The following ZMYM4 variants were observed in gnomAD, a reference collection of about 807,000 sequenced individuals.
The protein encoded by ZMYM4 is zinc finger MYM-type containing 4, also known as zinc finger MYM-type protein 4.
A neutral mutation model predicts 183.2 loss-of-function variants in ZMYM4; 31 were observed. The observed-to-expected ratio is 0.17, with a 90% CI of 0.13 to 0.23. The LOEUF is 0.23. Ranked by LOEUF, ZMYM4 falls within the 10% of genes least tolerant of loss-of-function variation. The pLI, the probability that ZMYM4 is intolerant of heterozygous loss-of-function variation, is 1.00. For missense variants in ZMYM4, 1,273 were observed against 1,840.3 expected (o/e 0.69, Z 5.64); for synonymous variants, 592 against 631.2 (o/e 0.94, Z 0.93).
chr1:35,376,811 C>T (rs530280018), intron 7 of ZMYM4, among the ~76,000 whole-genome samples: 1 of 152,080 alleles, frequency 6.6e-6, no homozygotes, highest in African/African-American at 2.4e-5. Context: ...CAGGCGTGAG[C>T]CATCACACCC....
At chr1:35,364,472 T>A (rs983902868) in intron 5 of ZMYM4, among the ~76,000 whole-genome samples, 1 of 152,218 alleles carries the variant, frequency 6.6e-6, no homozygotes, top group Non-Finnish European at 1.5e-5. Context: ...TTTCTTGTCT[T>A]TTCCACACCC....
chr1:35,312,816 G>A lies in ZMYM4; in HGVS notation c.40-12544G>A, dbSNP rs749780090. Among the ~76,000 whole-genome samples the A allele has an allele frequency of 6.9e-4, 105 of 151,604 alleles. 2 individuals carry two copies. The highest frequency in any genetic ancestry group is 1.9e-4 in the Non-Finnish European group (13 of 67,914). On this transcript the variant is annotated intron_variant, in intron 1 of 29. Coordinates refer to ENST00000314607, the MANE Select transcript of ZMYM4 (RefSeq NM_005095.3). ...GCTGACTGCAACCTCCGCCTCCCAG[G>A]TTCAAGTGATTCTTGTGCCTCAGCT...
At chr1:35,275,177 T>A (rs1162976190) in intron 1 of ZMYM4, among the ~76,000 whole-genome samples, 1 of 151,964 alleles carries the variant, frequency 6.6e-6, no homozygotes, top group African/African-American at 2.4e-5. Flanking sequence ...ACTAAATATT[T>A]TGAAGCTGTG....
chr1:35,270,284 C>T (rs1173213883), intron 1 of ZMYM4, among the ~76,000 whole-genome samples: 1 of 152,148 alleles, frequency 6.6e-6, no homozygotes, highest in African/African-American at 2.4e-5. Flanking sequence ...GTGTGGGATG[C>T]CACAGAGGAG....
At position 35,361,675 on chromosome 1, in the gene ZMYM4, C is replaced by T. The variant is rs775038952; in HGVS notation, c.726C>T (p.Ser242=). 1 of 1,613,678 alleles carries T rather than the reference C, an allele frequency of 6.2e-7. No individual in the cohort carries two copies. The highest frequency in any genetic ancestry group is 1.7e-5 in the Admixed American group (1 of 59,962). Residue 242 remains serine (S), a synonymous_variant, in exon 5 of 30, where the codon TCC becomes TCT. Coordinates refer to ENST00000314607, the MANE Select transcript of ZMYM4 (RefSeq NM_005095.3). ...KESIGSELGN[S]FASNIRIKEE... is the part of the protein sequence containing the mutation. ...CCATTGGTTCGGAACTGGGGAATTC[C>T]TTTGCATCAAATATTAGAATTAAAG...
intron 1 of ZMYM4, among the ~76,000 whole-genome samples, chr1:35,278,169 C>T (rs1435313825): frequency 6.6e-6 from 1 of 152,058 alleles, no homozygotes; most frequent in Non-Finnish European, 1.5e-5. Flanking sequence ...CTTCTTTCTG[C>T]ATCTTCTTTT....
At chr1:35,292,364 T>C (rs1053229303) in intron 1 of ZMYM4, 18 of 152,322 alleles carry the variant, frequency 1.2e-4, no homozygotes, top group African/African-American at 4.3e-4. Flanking sequence ...GGTTACCATA[T>C]TGATGTCTAC....
Position 35,387,610 on chromosome 1 carries a change from G to A in ZMYM4, c.2263+6G>A, listed in dbSNP as rs749410147. ...CAAGTCATTCTGTAGTGAAGGTAAA[G>A]ACAGAAGATTATCTTACCTACTGAG... is the stretch of plus-strand genomic sequence containing the variant. On this transcript the variant is annotated splice_donor_region_variant and intron_variant, in intron 13 of 29. Coordinates refer to ENST00000314607, the MANE Select transcript of ZMYM4 (RefSeq NM_005095.3). 1.3e-6 allele frequency: 2 copies of A among 1,599,386 alleles called. No homozygotes were observed. The highest frequency in any genetic ancestry group is 3.4e-4 in the Middle Eastern group (2 of 5,958).
chr1:35,281,284 A>C (rs1382277272), intron 1 of ZMYM4, among the ~76,000 whole-genome samples: 1 of 137,092 alleles, frequency 7.3e-6, no homozygotes, highest in Non-Finnish European at 1.5e-5. Flanking sequence ...ACTCCATCTC[A>C]AAAAAAAAAA....
At chr1:35,287,758 A>C (rs568924212) in intron 1 of ZMYM4, among the ~76,000 whole-genome samples, 7 of 152,194 alleles carry the variant, frequency 4.6e-5, no homozygotes, top group African/African-American at 1.7e-4. Context: ...GGCATGCGCC[A>C]CCATGCCTGG....
intron 5 of ZMYM4, among the ~76,000 whole-genome samples, chr1:35,362,479 A>G (rs534527510): frequency 3.3e-4 from 51 of 152,350 alleles, no homozygotes; most frequent in Non-Finnish European, 6.9e-4. Context: ...CAGATGCTGC[A>G]ATCATTTTGA....
chr1:35,394,460 T>C (rs990754833), intron 18 of ZMYM4, among the ~76,000 whole-genome samples: 1 of 152,096 alleles, frequency 6.6e-6, no homozygotes, highest in South Asian at 2.1e-4. Context: ...CAGCTTTCAG[T>C]TGGAGCGGAT....
At chr1:35,384,730 A>G (rs1453104469) in intron 9 of ZMYM4, among the ~76,000 whole-genome samples, 1 of 152,162 alleles carries the variant, frequency 6.6e-6, no homozygotes, top group African/African-American at 2.4e-5. Flanking sequence ...ATATAGTATA[A>G]AAGCATGAAC....
At chr1:35,383,868 A>G (rs1644517633) in intron 9 of ZMYM4, among the ~76,000 whole-genome samples, 1 of 152,210 alleles carries the variant, frequency 6.6e-6, no homozygotes, top group Non-Finnish European at 1.5e-5. Context: ...CCTTGGGGAA[A>G]GCAGTTAAGC....
intron 1 of ZMYM4, among the ~76,000 whole-genome samples, chr1:35,291,633 A>C (rs796987652): frequency 0.018 from 2,345 of 132,642 alleles, 61 homozygotes; most frequent in African/African-American, 0.06. Flanking sequence ...AGTGATTGTT[A>C]CTTTTTTTTT....
intron 1 of ZMYM4, among the ~76,000 whole-genome samples, chr1:35,314,800 G>GT (rs1553166322): frequency 1.3e-5 from 2 of 149,034 alleles, no homozygotes; most frequent in Non-Finnish European, 3.0e-5. Flanking sequence ...TGAGGCGGGC[G>GT]TATCACCTGA....
At position 35,370,589 on chromosome 1, in the gene ZMYM4, G is replaced by A. The variant is rs759877444; in HGVS notation, c.1143G>A (p.Pro381=). Residue 381 remains proline (P), a synonymous_variant, in exon 7 of 30, where the codon CCG becomes CCA. Transcript: ENST00000314607. The part of the protein sequence containing the change: ...TGYTVPPARP[P]PPLTKKTCSS... ...ATACAGTTCCACCTGCCCGCCCACCGCCTCCTCTCACCAAGAAAACTTGTT... is the reference window on the plus strand; with the variant it reads ...ATACAGTTCCACCTGCCCGCCCACCACCTCCTCTCACCAAGAAAACTTGTT... 8.1e-6 allele frequency: 13 copies of A among 1,610,000 alleles called. No individual in the cohort carries two copies. Among genetic ancestry groups the A allele is most frequent in the African/African-American group, 2.7e-5 (2 of 74,692 alleles).
intron 1 of ZMYM4, among the ~76,000 whole-genome samples, chr1:35,283,222 C>A (rs1316101875): frequency 6.8e-6 from 1 of 147,508 alleles, no homozygotes; most frequent in Non-Finnish European, 1.5e-5. Flanking sequence ...ACTGTGTTGG[C>A]CAGACTAGTC....
chr1:35,355,507 TTGTC>T, intron 2 of ZMYM4, among the ~76,000 whole-genome samples: 2 of 152,264 alleles, frequency 1.3e-5, no homozygotes, highest in South Asian at 4.1e-4. Context: ...ATTTGGTTAT[TTGTC>T]TGTATCTTTA....
Sources: gnomAD v4.1 joint callset for allele counts (sites outside exome capture counted in the v4.1 genomes callset) on GRCh38, gnomAD v4.1.1 for gene constraint, MANE v1.5 for transcripts, NCBI Gene and HGNC (gene_info 2026-07-23, HGNC 2026-07-21) for gene names.